DLG4: variants seen among roughly 807,000 people sequenced by gnomAD.
DLG4 encodes disks large homolog 4.
In DLG4, 7 loss-of-function variants were observed where a neutral mutation model predicts 93.8. The observed-to-expected ratio is 0.07, with a 90% CI of 0.04 to 0.14. The LOEUF is 0.14. DLG4 is among the 10% of genes least tolerant of loss of function. The pLI, the probability that DLG4 is intolerant of heterozygous loss-of-function variation, is 1.00. For missense variants in DLG4, 545 were observed against 992.9 expected (o/e 0.55, Z 6.06); for synonymous variants, 341 against 387.6 (o/e 0.88, Z 1.41).
rs1340985567 is a variant in DLG4 at position 7,189,320 on chromosome 17, T to C, written c.*1388A>G. Among the ~76,000 whole-genome samples, 7 of 151,108 alleles carry C rather than the reference T, an allele frequency of 4.6e-5. No individual in the cohort carries two copies. The highest frequency in any genetic ancestry group is 8.9e-5 in the Non-Finnish European group (6 of 67,748). Reference sequence around the variant, plus strand: ...GCCTGACCAACATGGTGAAACCCCATCTCTACTAAAAATACAAAATTAGCC... The same window carrying C: ...GCCTGACCAACATGGTGAAACCCCACCTCTACTAAAAATACAAAATTAGCC... On this transcript the variant is annotated 3_prime_UTR_variant, in exon 20 of 20. Coordinates refer to ENST00000399506, the MANE Select transcript of DLG4 (RefSeq NM_001321075.3).
chr17:7,193,951 C>T lies in DLG4; in HGVS notation c.1515+13G>A, dbSNP rs1209803975. On this transcript the variant is annotated intron_variant, in intron 13 of 19. Transcript: ENST00000399506. The surrounding 1 kb of genome is among the most constrained non-coding windows in gnomAD (Gnocchi z 6.7). Reference sequence around the variant, plus strand: ...TCACACTTCCACCCAGGCTCACACCCTCCTCCACCTACCTTGGCCTTTAAC... The same window carrying T: ...TCACACTTCCACCCAGGCTCACACCTTCCTCCACCTACCTTGGCCTTTAAC... 6.2e-7 allele frequency: 1 copy of T among 1,613,294 alleles called. No homozygotes were observed. Among genetic ancestry groups the T allele is most frequent in the Non-Finnish European group, 8.5e-7 (1 of 1,179,454 alleles).
At position 7,202,970 on chromosome 17, in the gene DLG4, G is replaced by A. The variant is rs745434753; in HGVS notation, c.720C>T (p.Tyr240=). Residue 240 remains tyrosine, a synonymous_variant, in exon 8 of 20, where the codon TAC becomes TAT. Coordinates refer to ENST00000399506, the MANE Select transcript of DLG4 (RefSeq NM_001321075.3). ...CATTGCTGGGCTTGGCCACCTTTAG[G>A]TAGACAACATCATACGTGTTCTTCA... is the stretch of plus-strand genomic sequence containing the variant. ...AALKNTYDVV[Y]LKVAKPSNAY... 7 of 1,613,842 alleles carry A rather than the reference G, an allele frequency of 4.3e-6. No homozygotes were observed. The South Asian group carries it at 5.5e-5, about 13-fold the overall frequency.
At chr17:7,199,652 A>C (rs2142862497) in intron 8 of DLG4, among the ~76,000 whole-genome samples, 1 of 152,128 alleles carries the variant, frequency 6.6e-6, no homozygotes, top group South Asian at 2.1e-4. Flanking sequence ...GTATGAAAGA[A>C]GTTAGAAGCT....
At chr17:7,209,564 G>C (rs1412263818) in intron 1 of DLG4, among the ~76,000 whole-genome samples, 1 of 152,206 alleles carries the variant, frequency 6.6e-6, no homozygotes, top group Non-Finnish European at 1.5e-5. Context: ...CCAGGAGCTG[G>C]AGTTGGAGAC....
Position 7,194,196 on chromosome 17 carries a change from G to A in DLG4, c.1478+123C>T. ...CATGGGAGCCACGGACCCCAGGAGG[G>A]CCCAACAGACAAACCCCTAGGAGTT... is the stretch of plus-strand genomic sequence containing the variant. On this transcript the variant is annotated intron_variant, in intron 12 of 19. Coordinates refer to ENST00000399506, the MANE Select transcript of DLG4 (RefSeq NM_001321075.3). The surrounding 1 kb of genome is among the most constrained non-coding windows in gnomAD (Gnocchi z 4.4). 1 of 1,385,658 alleles carries A rather than the reference G, an allele frequency of 7.2e-7. No individual in the cohort carries two copies. Among genetic ancestry groups the A allele is most frequent in the African/African-American group, 1.4e-5 (1 of 69,492 alleles). The allele number at this position is 1,385,658 out of a possible 1,614,324, so 85.8% of individuals were successfully genotyped here. A position where few individuals can be genotyped will look rare whatever the true frequency, so the allele number is the denominator to read the frequency against.
rs527804965 is a variant in DLG4 at position 7,194,339 on chromosome 17, C to A, written c.1458G>T (p.Gly486=). ...VHSDSETDDI[G]FIPSKRRVER... ...CTCACCGCCGTTTGCTGGGGATGAACCCAATGTCGTCGGTCTCACTGTCAG... is the reference window on the plus strand; with the variant it reads ...CTCACCGCCGTTTGCTGGGGATGAAACCAATGTCGTCGGTCTCACTGTCAG... Residue 486 remains glycine (G), a synonymous_variant, in exon 12 of 20, where the codon GGG becomes GGT. Coordinates refer to ENST00000399506, the MANE Select transcript of DLG4 (RefSeq NM_001321075.3). The surrounding 1 kb of genome is among the most constrained non-coding windows in gnomAD (Gnocchi z 4.4). 6.2e-7 allele frequency: 1 copy of A among 1,607,404 alleles called. No homozygotes were observed. Among genetic ancestry groups the A allele is most frequent in the Non-Finnish European group, 8.5e-7 (1 of 1,177,186 alleles).
At chr17:7,212,585 A>G (rs1349748044) in intron 1 of DLG4, among the ~76,000 whole-genome samples, 1 of 152,174 alleles carries the variant, frequency 6.6e-6, no homozygotes, top group Non-Finnish European at 1.5e-5. Context: ...AATTTCAGGA[A>G]ATATTTAATC....
chr17:7,193,056 G>A lies in DLG4; in HGVS notation c.1755C>T (p.Ser585=). ...GAATGTCCTTCTCCATTTTCTCCCG[G>A]GACGACACAAAGTGGTAATCCCGGC... ...IDGRDYHFVS[S]REKMEKDIQA... is the part of the protein sequence containing the mutation. The change falls in exon 17 of 20, where the codon TCC becomes TCT. Residue 585 remains serine, a synonymous_variant. Transcript: ENST00000399506. This position sits in a 1 kb window ranked among gnomAD's most constrained non-coding sequence, Gnocchi z 6.7. 6.2e-7 allele frequency: 1 copy of A among 1,613,732 alleles called. No individual in the cohort carries two copies. Among genetic ancestry groups the A allele is most frequent in the Non-Finnish European group, 8.5e-7 (1 of 1,179,778 alleles).
Position 7,193,930 on chromosome 17 carries a change from A to T in DLG4, c.1515+34T>A. 1 of 1,613,484 alleles carries T rather than the reference A, an allele frequency of 6.2e-7. No homozygotes were observed. Among genetic ancestry groups the T allele is most frequent in the Non-Finnish European group, 8.5e-7 (1 of 1,179,722 alleles). ...TGAGCTCAGCTCCATGAGCCCTCAC[A>T]CTTCCACCCAGGCTCACACCCTCCT... On this transcript the variant is annotated intron_variant, in intron 13 of 19. Transcript: ENST00000399506. This position sits in a 1 kb window ranked among gnomAD's most constrained non-coding sequence, Gnocchi z 6.7.
rs2069807165 is a variant in DLG4 at position 7,196,702 on chromosome 17, TGCGCTCTGCCCTGTGGGGAGGG to T, written c.1083+33_1083+54del. 5 of 1,579,230 alleles carry T rather than the reference TGCGCTCTGCCCTGTGGGGAGGG, an allele frequency of 3.2e-6. No homozygotes were observed. The East Asian group carries it at 1.2e-4, about 37-fold the overall frequency. The stretch of plus-strand genomic sequence containing the variant: ...CATCCAGGCCCCTCCCCAAGAGCTC[TGCGCTCTGCCCTGTGGGGAGGG>T]GGTGGTGCAGGTAGGGGCAGGCCTT... On this transcript the variant is annotated intron_variant, in intron 9 of 19. Transcript: ENST00000399506. This position sits in a 1 kb window ranked among gnomAD's most constrained non-coding sequence, Gnocchi z 8.3.
chr17:7,197,899 G>C (rs906948311), intron 8 of DLG4, among the ~76,000 whole-genome samples: 1 of 152,164 alleles, frequency 6.6e-6, no homozygotes, highest in Admixed American at 6.5e-5. Flanking sequence ...GGCTTGATCA[G>C]TTTCAAGTTC....
rs183316437 is a variant in DLG4 at position 7,194,263 on chromosome 17, G to A, written c.1478+56C>T. The A allele has an allele frequency of 5.7e-5, 88 of 1,556,534 alleles. No individual in the cohort carries two copies. The East Asian group carries it at 1.8e-3, about 33-fold the overall frequency. On this transcript the variant is annotated intron_variant, in intron 12 of 19. Coordinates refer to ENST00000399506, the MANE Select transcript of DLG4 (RefSeq NM_001321075.3). This position sits in a 1 kb window ranked among gnomAD's most constrained non-coding sequence, Gnocchi z 4.4. ...CCCCTGTTGGCTGCCCACCCCGGGG[G>A]ACCTTGGGAACTTCAGTGCCTGTGG...
At chr17:7,192,854 CAGAG>C (rs148186868) in intron 17 of DLG4, 87 bp downstream of exon 17, 8 of 1,331,952 alleles carry the variant, frequency 6.0e-6, no homozygotes, top group Non-Finnish European at 8.1e-6. Flanking sequence ...GGGAAAGAGA[CAGAG>C]AGAGAGAGAG....
In DLG4 at chr17:7,190,261, C is replaced by T. The variant is rs1412695821; in HGVS notation, c.*447G>A. The T allele has an allele frequency of 6.3e-6, 1 of 157,556 alleles. No individual in the cohort carries two copies. 9.8% of individuals were successfully genotyped at this position (157,556 alleles called of 1,614,324 possible). A position where few individuals can be genotyped will look rare whatever the true frequency, so the allele number is the denominator to read the frequency against. ...AGAAATCAAGGAACATGGGGAATTA[C>T]GATGAGGGCAGGGGTGACCCCAGAC... On this transcript the variant is annotated 3_prime_UTR_variant, in exon 20 of 20. Coordinates refer to ENST00000399506, the MANE Select transcript of DLG4 (RefSeq NM_001321075.3).
In DLG4 at chr17:7,196,962, C is replaced by T. The variant is rs749422436; in HGVS notation, c.878G>A (p.Arg293His). 1.1e-5 allele frequency: 18 copies of T among 1,613,610 alleles called. No individual in the cohort carries two copies. The highest frequency in any genetic ancestry group is 1.3e-5 in the Non-Finnish European group (15 of 1,179,812). ...PTAMTPTSPR[R>H]YSPVAKDLLG... ...CAGGTCCTTGGCCACTGGAGAGTAG[C>T]GCCGAGGGGAAGTGGGGGTCATGGC... The change falls in exon 9 of 20, where the codon CGC becomes CAC. Residue 293 changes from arginine (R) to histidine (H), a missense_variant. Physicochemically the swap from Arg to His is conservative, Grantham distance 29. Around this residue, in one of 5 missense-constraint regions of DLG4, gnomAD observed 428 missense variants for 741.4 expected, o/e 0.58. Transcript: ENST00000399506. The surrounding 1 kb of genome is among the most constrained non-coding windows in gnomAD (Gnocchi z 8.3).
At chr17:7,204,580 G>A (rs1333386752) in intron 2 of DLG4, among the ~76,000 whole-genome samples, 1 of 152,022 alleles carries the variant, frequency 6.6e-6, no homozygotes, top group African/African-American at 2.4e-5. Context: ...GGCAAAGAGT[G>A]GGGAGAGGGG....
chr17:7,200,848 C>G (rs1258266790), intron 8 of DLG4, among the ~76,000 whole-genome samples: 2 of 145,650 alleles, frequency 1.4e-5, no homozygotes, highest in Non-Finnish European at 3.0e-5. Flanking sequence ...CGCGCCCAGC[C>G]TGTTTTGGTT....
At chr17:7,192,707 AAG>A (rs2142819999) in intron 17 of DLG4, among the ~76,000 whole-genome samples, 1 of 151,596 alleles carries the variant, frequency 6.6e-6, no homozygotes, top group South Asian at 2.1e-4. Flanking sequence ...TGGGGAGAGA[AAG>A]AGGCCAGATG....
Position 7,188,784 on chromosome 17 carries a change from A to G in DLG4, c.*1924T>C, listed in dbSNP as rs142778766. 1.1e-4 allele frequency among the ~76,000 whole-genome samples: 17 copies of G among 152,096 alleles called. No individual in the cohort carries two copies. The highest frequency in any genetic ancestry group is 4.1e-4 in the African/African-American group (17 of 41,468). On this transcript the variant is annotated 3_prime_UTR_variant, in exon 20 of 20. Coordinates refer to ENST00000399506, the MANE Select transcript of DLG4 (RefSeq NM_001321075.3). The stretch of plus-strand genomic sequence containing the variant: ...AGATTCTTATTTTCCTACCCTCATT[A>G]TTTACAAAGCTGCCTCAGATCTTTC...
Sources: gnomAD v4.1 joint callset for allele counts (sites outside exome capture counted in the v4.1 genomes callset) on GRCh38, gnomAD v4.1.1 for gene constraint, gnomAD v4.1.1 regional missense constraint, Gnocchi (gnomAD v3.1) non-coding constraint, MANE v1.5 for transcripts, NCBI Gene and HGNC (gene_info 2026-07-23, HGNC 2026-07-21) for gene names.